The following DAAM1 variants were observed in gnomAD, a reference collection of about 807,000 sequenced individuals.
DAAM1 encodes the protein dishevelled associated activator of morphogenesis 1, also known as disheveled-associated activator of morphogenesis 1.
In DAAM1, 52 loss-of-function variants were observed where a neutral mutation model predicts 130.0. The ratio of observed to expected loss-of-function variants is 0.40; its 90% confidence interval spans 0.32 to 0.50. DAAM1 has a LOEUF of 0.50. Among genes scored for constraint, DAAM1 ranks in the 20% least tolerant of loss-of-function variants. The pLI, the probability that DAAM1 is intolerant of heterozygous loss-of-function variation, is 0.61. For synonymous variants in DAAM1, 452 were observed against 444.5 expected, an observed-to-expected ratio of 1.02 and a Z score of -0.21; for missense variants, 1,134 against 1,303.8, an observed-to-expected ratio of 0.87 and a Z score of 2.01.
intron 1 of DAAM1, among the ~76,000 whole-genome samples, chr14:59,234,439 G>A (rs1479975190): frequency 2.6e-5 from 4 of 151,946 alleles, no homozygotes; most frequent in Admixed American, 1.3e-4. Flanking sequence ...TTGTCTATTG[G>A]TGTATAGGAA....
At chr14:59,192,320 G>T (rs1425670432) in intron 1 of DAAM1, among the ~76,000 whole-genome samples, 2 of 152,166 alleles carry the variant, frequency 1.3e-5, no homozygotes, top group African/African-American at 4.8e-5. Context: ...TTGGGAGATG[G>T]CATAAAGAGA....
intron 4 of DAAM1, among the ~76,000 whole-genome samples, chr14:59,319,260 G>A (rs1236398522): frequency 2.0e-5 from 3 of 151,994 alleles, no homozygotes; most frequent in Admixed American, 1.3e-4. Context: ...TTTAAAGACC[G>A]AAAAAACTAC....
intron 4 of DAAM1, among the ~76,000 whole-genome samples, chr14:59,319,671 C>T (rs1884930333): frequency 6.6e-6 from 1 of 152,118 alleles, no homozygotes; most frequent in African/African-American, 2.4e-5. Context: ...CAGGTGATCA[C>T]AGAGTGAAAG....
intron 1 of DAAM1, among the ~76,000 whole-genome samples, chr14:59,228,644 G>T (rs1269438177): frequency 6.6e-6 from 1 of 152,064 alleles, no homozygotes; most frequent in Non-Finnish European, 1.5e-5. Flanking sequence ...TTCCCTCAGG[G>T]CCAGAGAGTC....
At chr14:59,367,280 C>CATCT in intron 23 of DAAM1, 149 bp from the exon 24 acceptor site, 1 of 1,345,412 alleles carries the variant, frequency 7.4e-7, no homozygotes, top group African/African-American at 1.5e-5. Context: ...GGCGAAACTC[C>CATCT]ATCTCCAAAA....
chr14:59,338,426 A>G, intron 15 of DAAM1: 16 of 1,613,418 alleles, frequency 9.9e-6, no homozygotes, highest in Non-Finnish European at 1.4e-5. Flanking sequence ...TAAGTGAGCT[A>G]CTACCTAAAG....
intron 2 of DAAM1, among the ~76,000 whole-genome samples, chr14:59,283,673 T>C (rs530237260): frequency 1.3e-5 from 2 of 152,226 alleles, no homozygotes; most frequent in South Asian, 2.1e-4. Context: ...GCAAGAGAAA[T>C]GATGTACCTC....
chr14:59,265,077 A>G (rs1406819925), intron 2 of DAAM1: 1 of 152,244 alleles, frequency 6.6e-6, no homozygotes, highest in Admixed American at 6.5e-5. Context: ...TTCATTTTGC[A>G]TGATTCTTTG....
intron 2 of DAAM1, among the ~76,000 whole-genome samples, chr14:59,288,525 G>A (rs780420819): frequency 6.6e-6 from 1 of 152,074 alleles, no homozygotes; most frequent in Non-Finnish European, 1.5e-5. Flanking sequence ...TCTGACAAAG[G>A]TCTAATATCC....
chr14:59,325,651 C>T lies in DAAM1; in HGVS notation c.990-13C>T. On this transcript the variant is annotated splice_polypyrimidine_tract_variant and intron_variant, in intron 8 of 24. Transcript: ENST00000360909. ...ATGTTCTACTTAATAACTTTTCTTTCATTATTTTTCAGGCATTTAGACTTT... is the reference window on the plus strand; with the variant it reads ...ATGTTCTACTTAATAACTTTTCTTTTATTATTTTTCAGGCATTTAGACTTT... 1 of 1,612,046 alleles carries T rather than the reference C, an allele frequency of 6.2e-7. No individual in the cohort carries two copies. The highest frequency in any genetic ancestry group is 8.5e-7 in the Non-Finnish European group (1 of 1,178,738).
In DAAM1 at chr14:59,315,266, TC is replaced by T; in HGVS notation, c.274-8del. 6.2e-7 allele frequency: 1 copy of T among 1,606,620 alleles called. No homozygotes were observed. Among genetic ancestry groups the T allele is most frequent in the Non-Finnish European group, 8.5e-7 (1 of 1,175,572 alleles). On this transcript the variant is annotated splice_polypyrimidine_tract_variant and intron_variant, in intron 3 of 24. Coordinates refer to ENST00000360909, the MANE Select transcript of DAAM1 (RefSeq NM_001270520.2). Reference sequence around the variant, plus strand: ...ATGTTGGGTGGTATGTCACTTTTTTTCCCCCCTTTTTAGGACCAGGAAGAAA... The same window carrying T: ...ATGTTGGGTGGTATGTCACTTTTTTTCCCCCTTTTTAGGACCAGGAAGAAA...
chr14:59,348,461 G>C, intron 17 of DAAM1, among the ~76,000 whole-genome samples: 1 of 152,114 alleles, frequency 6.6e-6, no homozygotes, highest in Non-Finnish European at 1.5e-5. Flanking sequence ...ACTTTTCTGT[G>C]CTCTGTGGTG....
At position 59,272,597 on chromosome 14, in the gene DAAM1, A is replaced by C. The variant is rs952290728; in HGVS notation, c.183+8937A>C. Among the ~76,000 whole-genome samples, 13 of 34,046 alleles carry C rather than the reference A, an allele frequency of 3.8e-4. No individual in the cohort carries two copies. In the South Asian group the frequency reaches 0.012, roughly 31 times the overall value. 22.3% of individuals were successfully genotyped at this position (34,046 alleles called of 152,430 possible). A position where few individuals can be genotyped will look rare whatever the true frequency, so the allele number is the denominator to read the frequency against. On this transcript the variant is annotated intron_variant, in intron 2 of 24. Transcript: ENST00000360909. ...CTCAAAAAACAAACAAACAAACAAA[A>C]TATATATATATACACACACACACAC...
intron 1 of DAAM1, among the ~76,000 whole-genome samples, chr14:59,254,789 G>A (rs1215242189): frequency 2.6e-5 from 4 of 152,210 alleles, no homozygotes; most frequent in Non-Finnish European, 5.9e-5. Flanking sequence ...ATGGTATTAC[G>A]TGACACAGAA....
chr14:59,197,266 T>G (rs1887929765), intron 1 of DAAM1, among the ~76,000 whole-genome samples: 1 of 152,262 alleles, frequency 6.6e-6, no homozygotes, highest in Non-Finnish European at 1.5e-5. Context: ...TGGCTGCTAT[T>G]TGATTTAGGC....
intron 23 of DAAM1, 93 bp downstream of exon 23, chr14:59,363,875 A>G: frequency 1.3e-6 from 2 of 1,540,322 alleles, no homozygotes; most frequent in Non-Finnish European, 1.7e-6. Context: ...AAATAGCAGG[A>G]GTGAGATCCA....
At chr14:59,323,972 C>T (rs536112790) in intron 6 of DAAM1, among the ~76,000 whole-genome samples, 156 bp from the exon 7 acceptor site, 22 of 151,820 alleles carry the variant, frequency 1.4e-4, no homozygotes, top group African/African-American at 5.3e-4. Context: ...GTGGAGGTTG[C>T]CGTGAGCTGA....
intron 16 of DAAM1, among the ~76,000 whole-genome samples, chr14:59,344,847 T>C (rs1355247009): frequency 6.6e-6 from 1 of 152,222 alleles, no homozygotes; most frequent in African/African-American, 2.4e-5. Flanking sequence ...TTGTTCTCGC[T>C]CTGATTTTCA....
chr14:59,192,501 G>T (rs988753136), intron 1 of DAAM1, among the ~76,000 whole-genome samples: 2 of 152,154 alleles, frequency 1.3e-5, no homozygotes, highest in African/African-American at 4.8e-5. Context: ...CCGTGCTCTG[G>T]TATTTCCAGT....
Sources: gnomAD v4.1 joint callset for allele counts (sites outside exome capture counted in the v4.1 genomes callset) on GRCh38, gnomAD v4.1.1 for gene constraint, MANE v1.5 for transcripts, NCBI Gene and HGNC (gene_info 2026-07-23, HGNC 2026-07-21) for gene names.